Variants in COL17A1 observed in about 807,000 individuals in gnomAD.
COL17A1 encodes collagen alpha-1(XVII) chain.
In COL17A1, 181 loss-of-function variants were observed where a neutral mutation model predicts 218.4. The ratio of observed to expected loss-of-function variants is 0.83; its 90% CI spans 0.73 to 0.94. The LOEUF is 0.94. Among genes scored for constraint, COL17A1 ranks in the 40% least tolerant of loss-of-function variants. The pLI is 0.00. For synonymous variants in COL17A1, 721 were observed against 731.0 expected (o/e 0.99, Z 0.22); for missense variants, 1,924 against 1,945.9 (o/e 0.99, Z 0.21).
At chr10:104,035,651 C>T (rs1450176775) in intron 48 of COL17A1, 88 bp from the exon 49 acceptor site, 4 of 1,050,326 alleles carry the variant, frequency 3.8e-6, no homozygotes, top group Non-Finnish European at 4.3e-6. Flanking sequence ...GAGGTTTGGA[C>T]AGAAGTGGGG....
rs150282756 is a variant in COL17A1, at chr10:104,034,137, C to T, written c.3964G>A (p.Gly1322Ser). Residue 1322 changes from glycine to serine, a missense_variant, in exon 52 of 56, where the codon GGT becomes AGT. Gly to Ser is a moderately conservative substitution (Grantham distance 56, BLOSUM62 0). Coordinates refer to ENST00000648076, the MANE Select transcript of COL17A1 (RefSeq NM_000494.4). The part of the protein sequence containing the change: ...STGGGGAGSL[G>S]AGGAFGEAAG... ...GCTTCACCAAAGGCACCGCCTGCAC[C>T]CAGGGAGCCTGCACCACCTCCTCCT... is the stretch of plus-strand genomic sequence containing the variant. The T allele has an allele frequency of 3.2e-4, 523 of 1,613,978 alleles. No homozygotes were observed. Among genetic ancestry groups the T allele is most frequent in the Admixed American group, 8.5e-4 (51 of 60,026 alleles).
intron 1 of COL17A1, among the ~76,000 whole-genome samples, chr10:104,082,316 A>G (rs1218467286): frequency 6.6e-6 from 1 of 152,228 alleles, no homozygotes; most frequent in Non-Finnish European, 1.5e-5. Flanking sequence ...CATTCCAGCT[A>G]TAACCTATAT....
Position 104,035,290 on chromosome 10 carries a change from C to T in COL17A1, c.3592G>A (p.Val1198Met), listed in dbSNP as rs755782951. The T allele has an allele frequency of 1.2e-5, 19 of 1,614,002 alleles. No homozygotes were observed. Among genetic ancestry groups the T allele is most frequent in the African/African-American group, 4.0e-5 (3 of 74,960 alleles). Residue 1198 changes from valine (V) to methionine (M), a missense_variant, in exon 50 of 56, where the codon GTG (valine) becomes ATG (methionine). Transcript: ENST00000648076. The stretch of plus-strand genomic sequence containing the variant: ...TGTAAGTAAGACGAGAGGTCCTCCA[C>T]GCTGATGCTGGACCACACATTGCCT... Reference protein sequence around the residue: ...IPGNVWSSISVEDLSSYLHTA... With the variant: ...IPGNVWSSISMEDLSSYLHTA...
intron 45 of COL17A1, 126 bp downstream of exon 45, chr10:104,038,279 CA>C (rs2086322487): frequency 1.1e-6 from 1 of 887,592 alleles, no homozygotes; most frequent in Non-Finnish European, 1.8e-6. Context: ...CACACACACA[CA>C]CTCCCACTGC....
chr10:104,055,482 A>ACGC (rs57382788), intron 18 of COL17A1, 81 bp from the exon 19 acceptor site: 1 of 1,462,004 alleles, frequency 6.8e-7, no homozygotes, highest in Non-Finnish European at 9.4e-7. Flanking sequence ...ACACACACAC[A>ACGC]ATAAGGGGAT....
intron 48 of COL17A1, 43 bp from the exon 49 acceptor site, chr10:104,035,606 G>A: frequency 2.7e-6 from 4 of 1,485,498 alleles, no homozygotes; most frequent in Non-Finnish European, 3.7e-6. Context: ...GGAGGCAGAT[G>A]GAAACACCTG....
At chr10:104,065,013 A>G (rs1478337511) in intron 9 of COL17A1, among the ~76,000 whole-genome samples, 2 of 152,228 alleles carry the variant, frequency 1.3e-5, no homozygotes, top group African/African-American at 4.8e-5. Context: ...CTCTTTCAGT[A>G]GAATTCCAGG....
At chr10:104,073,689 A>G (rs1022948534) in intron 6 of COL17A1, among the ~76,000 whole-genome samples, 1 of 152,208 alleles carries the variant, frequency 6.6e-6, no homozygotes, top group Non-Finnish European at 1.5e-5. Flanking sequence ...GCATCAATTC[A>G]TATGCACAGT....
chr10:104,052,989 A>G (rs1480646525), intron 23 of COL17A1, 42 bp downstream of exon 23: 1 of 1,606,804 alleles, frequency 6.2e-7, no homozygotes, highest in South Asian at 1.1e-5. Flanking sequence ...AGAAGGAAGC[A>G]CAGGCATAGC....
At chr10:104,039,353 A>G in intron 43 of COL17A1, 92 bp downstream of exon 43, 1 of 1,377,934 alleles carries the variant, frequency 7.3e-7, no homozygotes, top group Non-Finnish European at 1.0e-6. Flanking sequence ...CTTTACACTG[A>G]TGAGTACTTG....
In COL17A1 at chr10:104,034,091, T is replaced by G. The variant is rs2086244894; in HGVS notation, c.4010A>C (p.Tyr1337Ser). The G allele has an allele frequency of 6.2e-7, 1 of 1,614,102 alleles. No homozygotes were observed. ...TCCGCCTGGGCCGATGTCAGTGCCA[T>G]AGGGACCCCTGTCTCCTGCAGCTTC... ...FGEAAGDRGP[Y>S]GTDIGPGGGY... The change falls in exon 52 of 56, where the codon TAT (tyrosine) becomes TCT (serine). Residue 1337 changes from tyrosine (Y) to serine (S), a missense_variant. By Grantham distance (144) the Tyr-to-Ser change is moderately radical. Transcript: ENST00000648076.
Position 104,034,756 on chromosome 10 carries a change from A to G in COL17A1, c.3631T>C (p.Ser1211Pro). 6.2e-7 allele frequency: 1 copy of G among 1,612,470 alleles called. No homozygotes were observed. The highest frequency in any genetic ancestry group is 8.5e-7 in the Non-Finnish European group (1 of 1,179,694). ...GGTCCTGGAGGGCCTGGGATGAATGACAAGCCGGCAGCTGGGCAGAAGGAA... is the reference window on the plus strand; with the variant it reads ...GGTCCTGGAGGGCCTGGGATGAATGGCAAGCCGGCAGCTGGGCAGAAGGAA... ...LSSYLHTAGL[S>P]FIPGPPGPPG... Residue 1211 changes from serine (S) to proline (P), a missense_variant, in exon 51 of 56, where the codon TCA (serine) becomes CCA (proline). Ser to Pro is a moderately conservative substitution (Grantham distance 74). Transcript: ENST00000648076.
At chr10:104,082,799 G>C (rs1203073820) in intron 1 of COL17A1, among the ~76,000 whole-genome samples, 4 of 152,140 alleles carry the variant, frequency 2.6e-5, no homozygotes, top group African/African-American at 9.7e-5. Context: ...GCATTTCTAG[G>C]CCCTCCATCT....
In COL17A1 at chr10:104,050,712, G is replaced by C; in HGVS notation, c.2093-56C>G. On this transcript the variant is annotated intron_variant, in intron 26 of 55. Transcript: ENST00000648076. ...ATGCCCTACAAGGGACAACCAGGAA[G>C]GGGCAATGTCTGTCTCTGAAGACAG... is the stretch of plus-strand genomic sequence containing the variant. 3 of 1,614,160 alleles carry C rather than the reference G, an allele frequency of 1.9e-6. No homozygotes were observed. In the South Asian group the frequency reaches 3.3e-5, roughly 18 times the overall value.
At chr10:104,032,373 G>T in intron 55 of COL17A1, 83 bp from the exon 56 acceptor site, 2 of 1,153,814 alleles carry the variant, frequency 1.7e-6, no homozygotes, top group South Asian at 1.2e-5. Context: ...TGGCAACCGT[G>T]ACTACTGCAA....
At chr10:104,058,671 C>A (rs781740840) in intron 15 of COL17A1, among the ~76,000 whole-genome samples, 1 of 152,254 alleles carries the variant, frequency 6.6e-6, no homozygotes, top group East Asian at 1.9e-4. Context: ...CGGTGACTCA[C>A]GCCTGTAATC....
intron 1 of COL17A1, among the ~76,000 whole-genome samples, chr10:104,082,229 A>G (rs2086770915): frequency 6.6e-6 from 1 of 152,244 alleles, no homozygotes; most frequent in Non-Finnish European, 1.5e-5. Flanking sequence ...TGGAGCCCAG[A>G]GGAGGGGCTT....
intron 6 of COL17A1, 82 bp from the exon 7 acceptor site, chr10:104,073,327 G>T: frequency 7.9e-7 from 1 of 1,261,434 alleles, no homozygotes; most frequent in East Asian, 2.3e-5. Context: ...AGATATATTT[G>T]GGGAGGGGTT....
In COL17A1 at chr10:104,046,691, G is replaced by C. The variant is rs898469520; in HGVS notation, c.2362+56C>G. On this transcript the variant is annotated intron_variant, in intron 32 of 55. Coordinates refer to ENST00000648076, the MANE Select transcript of COL17A1 (RefSeq NM_000494.4). ...GACTGCAGGAAAAGCCCTGGCCCAAGCAGTTACCCCAGGAGAAGGTGGGAG... is the reference window on the plus strand; with the variant it reads ...GACTGCAGGAAAAGCCCTGGCCCAACCAGTTACCCCAGGAGAAGGTGGGAG... 1.2e-5 allele frequency: 19 copies of C among 1,577,322 alleles called. No homozygotes were observed. In the Admixed American group the frequency reaches 3.0e-4, roughly 25 times the overall value.
Sources: gnomAD v4.1 joint callset for allele counts (sites outside exome capture counted in the v4.1 genomes callset) on GRCh38, gnomAD v4.1.1 for gene constraint, MANE v1.5 for transcripts, NCBI Gene and HGNC (gene_info 2026-07-23, HGNC 2026-07-21) for gene names.